Variants in NRG3 observed in about 807,000 individuals in gnomAD.
NRG3 encodes pro-neuregulin-3, membrane-bound isoform.
In NRG3, 31 loss-of-function variants were observed where a neutral mutation model predicts 66.9. The ratio of observed to expected loss-of-function variants is 0.46; its 90% confidence interval spans 0.35 to 0.63. The LOEUF (loss-of-function observed/expected upper bound fraction) is 0.63. Among genes scored for constraint, NRG3 ranks in the 20% least tolerant of loss-of-function variants. NRG3 has a pLI of 0.00. For synonymous variants in NRG3, 393 were observed against 359.4 expected, an observed-to-expected ratio of 1.09 and a Z score of -1.06; for missense variants, 910 against 878.9, an observed-to-expected ratio of 1.04 and a Z score of -0.45.
chr10:82,406,765 A>G (rs1564886224), intron 2 of NRG3, among the ~76,000 whole-genome samples: 1 of 152,096 alleles, frequency 6.6e-6, no homozygotes, highest in Non-Finnish European at 1.5e-5. Context: ...TAATCCCATG[A>G]GCTTGGGAGC....
At chr10:82,669,017 TCTC>T (rs2053030268) in intron 2 of NRG3, among the ~76,000 whole-genome samples, 2 of 152,224 alleles carry the variant, frequency 1.3e-5, no homozygotes, top group South Asian at 4.2e-4. Flanking sequence ...CAGAGGCCCT[TCTC>T]CTCGTTCTTC....
At chr10:82,859,726 G>A (rs937337003) in intron 3 of NRG3, among the ~76,000 whole-genome samples, 1 of 152,156 alleles carries the variant, frequency 6.6e-6, no homozygotes, top group African/African-American at 2.4e-5. Context: ...CAATGTATTT[G>A]CTAACAGAAT....
chr10:82,448,866 A>G (rs542544908), intron 2 of NRG3, among the ~76,000 whole-genome samples: 1 of 152,194 alleles, frequency 6.6e-6, no homozygotes, highest in Non-Finnish European at 1.5e-5. Flanking sequence ...AACATTGACT[A>G]TCCCATTTGT....
chr10:81,944,671 A>G (rs534254134), intron 1 of NRG3, among the ~76,000 whole-genome samples: 2 of 152,250 alleles, frequency 1.3e-5, no homozygotes, highest in African/African-American at 4.8e-5. Context: ...GATGCAATTC[A>G]TGCTGAACCT....
chr10:82,203,705 T>G (rs928401464), intron 1 of NRG3, among the ~76,000 whole-genome samples: 2 of 152,186 alleles, frequency 1.3e-5, no homozygotes, highest in African/African-American at 4.8e-5. Flanking sequence ...TAGCTTCCAT[T>G]CTTACTTTAA....
intron 1 of NRG3, among the ~76,000 whole-genome samples, chr10:81,908,044 T>C (rs745311877): frequency 3.3e-5 from 5 of 152,232 alleles, no homozygotes; most frequent in Non-Finnish European, 7.3e-5. Context: ...ATGCATGATG[T>C]AATCTTCAAC....
At chr10:82,838,969 T>A (rs1376654903) in intron 3 of NRG3, among the ~76,000 whole-genome samples, 2 of 152,124 alleles carry the variant, frequency 1.3e-5, no homozygotes, top group African/African-American at 4.8e-5. Context: ...AAGGGTTTCC[T>A]CTTATAAAAC....
intron 1 of NRG3, among the ~76,000 whole-genome samples, chr10:82,082,119 T>C (rs969369676): frequency 2.0e-5 from 3 of 152,238 alleles, no homozygotes; most frequent in African/African-American, 4.8e-5. Flanking sequence ...GTGTCATCCA[T>C]TTAAAATACT....
intron 1 of NRG3, among the ~76,000 whole-genome samples, chr10:82,236,708 A>G (rs1372262501): frequency 7.4e-6 from 1 of 134,948 alleles, no homozygotes; most frequent in Non-Finnish European, 1.6e-5. Context: ...TGAAAACTAG[A>G]ACTTTTTTTT....
At chr10:82,732,172 T>C (rs1002484478) in intron 2 of NRG3, among the ~76,000 whole-genome samples, 1 of 152,164 alleles carries the variant, frequency 6.6e-6, no homozygotes, top group African/African-American at 2.4e-5. Context: ...ATTATCATTC[T>C]TTAGTGACAA....
intron 2 of NRG3, among the ~76,000 whole-genome samples, chr10:82,612,142 T>C (rs2133511098): frequency 6.6e-6 from 1 of 152,312 alleles, no homozygotes; most frequent in Admixed American, 6.5e-5. Context: ...TTGTTTAAAT[T>C]CTTTGTAGAT....
At chr10:82,427,614 T>G (rs2089530955) in intron 2 of NRG3, among the ~76,000 whole-genome samples, 1 of 152,068 alleles carries the variant, frequency 6.6e-6, no homozygotes, top group South Asian at 2.1e-4. Flanking sequence ...ATTTTGTATG[T>G]CTATGTTCAG....
intron 1 of NRG3, among the ~76,000 whole-genome samples, chr10:82,335,753 T>C (rs1334950303): frequency 6.6e-6 from 1 of 152,196 alleles, no homozygotes; most frequent in Non-Finnish European, 1.5e-5. Context: ...CTGTCTTACA[T>C]CAATACCCTA....
intron 3 of NRG3, among the ~76,000 whole-genome samples, chr10:82,777,050 T>G (rs1238684992): frequency 6.6e-6 from 1 of 152,168 alleles, no homozygotes; most frequent in African/African-American, 2.4e-5. Context: ...CTACTTTTAA[T>G]TTTATAGATT....
intron 2 of NRG3, among the ~76,000 whole-genome samples, chr10:82,590,796 A>G (rs919101889): frequency 3.3e-5 from 5 of 152,184 alleles, no homozygotes; most frequent in African/African-American, 1.2e-4. Flanking sequence ...GCAGTTTGGA[A>G]CCAAAGATTT....
At chr10:82,611,301 G>A (rs987771460) in intron 2 of NRG3, among the ~76,000 whole-genome samples, 3 of 151,094 alleles carry the variant, frequency 2.0e-5, no homozygotes, top group Non-Finnish European at 4.4e-5. Flanking sequence ...AAGTTCTAGG[G>A]TACAGGTGCA....
intron 1 of NRG3, among the ~76,000 whole-genome samples, chr10:82,199,894 G>C (rs1274142137): frequency 3.1e-4 from 7 of 22,520 alleles, no homozygotes; most frequent in Non-Finnish European, 1.1e-3. Flanking sequence ...GTGTGCGTGT[G>C]TGTGTGTGTG....
chr10:82,849,342 C>A (rs2063458093), intron 3 of NRG3, among the ~76,000 whole-genome samples: 2 of 152,184 alleles, frequency 1.3e-5, no homozygotes, highest in Non-Finnish European at 2.9e-5. Context: ...TGATTTCAGA[C>A]TTCCACCTTC....
At chr10:82,090,478 G>GT (rs1203448444) in intron 1 of NRG3, among the ~76,000 whole-genome samples, 6 of 152,218 alleles carry the variant, frequency 3.9e-5, no homozygotes, top group African/African-American at 1.4e-4. Flanking sequence ...AAGCAACAAA[G>GT]TATGAGGAAA....
Sources: allele counts gnomAD v4.1 joint callset (sites outside exome capture counted in the v4.1 genomes callset), GRCh38; gene constraint gnomAD v4.1.1; transcripts MANE v1.5; gene names NCBI Gene and HGNC (gene_info 2026-07-23, HGNC 2026-07-21).